The following NMBR variants were observed in gnomAD, a reference collection of about 807,000 sequenced individuals.
NMBR encodes the protein neuromedin B receptor.
Under a neutral mutation model 20.5 loss-of-function variants are expected in NMBR, and 16 were observed. That is an observed-to-expected ratio of 0.78 (90% CI 0.53 to 1.19). NMBR has a LOEUF of 1.19. Among genes scored for constraint, NMBR ranks in the 50% most tolerant of loss-of-function variants. NMBR has a pLI of 0.00. For missense variants in NMBR, 582 were observed against 499.1 expected (o/e 1.17, Z -1.58); for synonymous variants, 212 against 196.6 (o/e 1.08, Z -0.65).
intron 1 of NMBR, among the ~76,000 whole-genome samples, chr6:142,136,991 T>C (rs1247395873): frequency 6.6e-6 from 1 of 152,194 alleles, no homozygotes; most frequent in African/African-American, 2.4e-5. Flanking sequence ...TCTTTTTTGG[T>C]TCCATATGAA....
At chr6:142,113,447 A>T (rs1033683073) in intron 1 of NMBR, among the ~76,000 whole-genome samples, 1 of 152,136 alleles carries the variant, frequency 6.6e-6, no homozygotes, top group East Asian at 1.9e-4. Flanking sequence ...TTGACATTCA[A>T]CTGTTGGTGA....
intron 2 of NMBR, among the ~76,000 whole-genome samples, chr6:142,080,402 C>G (rs1777071397): frequency 6.6e-6 from 1 of 151,020 alleles, no homozygotes; most frequent in Non-Finnish European, 1.5e-5. Context: ...TCTCCACCTC[C>G]CAGGTTCAAG....
chr6:142,095,044 G>A (rs1161533088), intron 1 of NMBR, among the ~76,000 whole-genome samples: 6 of 152,164 alleles, frequency 3.9e-5, no homozygotes, highest in Non-Finnish European at 8.8e-5. Flanking sequence ...CGCTTAAGGA[G>A]ATTTTGGGCT....
At chr6:142,134,902 T>C (rs1209978602) in intron 1 of NMBR, 3 of 579,738 alleles carry the variant, frequency 5.2e-6, no homozygotes, top group Non-Finnish European at 9.1e-6. Context: ...TAGAAGATTA[T>C]ACTTTCCATT....
rs1157035432 is a variant in NMBR, at chr6:142,096,324, A to C, written c.-663-7003T>G. 9.2e-5 allele frequency among the ~76,000 whole-genome samples: 14 copies of C among 152,158 alleles called. 1 individual carries two copies. The East Asian group carries it at 2.7e-3, about 29-fold the overall frequency. ...AATTTCCCTCTACACACTGCTTTAA[A>C]TGTGTCCCAGAGATTCTGGTATGCT... On this transcript the variant is annotated intron_variant, in intron 1 of 3. Coordinates refer to ENST00000258042, the MANE Select transcript of NMBR (RefSeq NM_002511.4).
At chr6:142,129,851 C>T (rs989873232) in intron 1 of NMBR, among the ~76,000 whole-genome samples, 12 of 152,096 alleles carry the variant, frequency 7.9e-5, no homozygotes, top group African/African-American at 1.9e-4. Context: ...GAGGTAAATA[C>T]GATTTTCATT....
chr6:142,120,974 G>A (rs2114597820), intron 1 of NMBR, among the ~76,000 whole-genome samples: 1 of 151,984 alleles, frequency 6.6e-6, no homozygotes, highest in East Asian at 1.9e-4. Flanking sequence ...CCTGCATCCA[G>A]CAAGTCCATC....
intron 1 of NMBR, among the ~76,000 whole-genome samples, chr6:142,126,757 ATTTTTTTTT>A (rs34631481): frequency 9.7e-5 from 5 of 51,362 alleles, no homozygotes; most frequent in Non-Finnish European, 1.7e-4. Flanking sequence ...TATTTGAGGG[ATTTTTTTTT>A]TTTTTTTTTT....
At chr6:142,126,805 C>T (rs2114603007) in intron 1 of NMBR, among the ~76,000 whole-genome samples, 1 of 72,526 alleles carries the variant, frequency 1.4e-5, no homozygotes, top group South Asian at 4.7e-4. Context: ...ATGAGTTCTT[C>T]ATATATTTTG....
Position 142,074,999 on chromosome 6 carries a change from C to A in NMBR, c.*649G>T, listed in dbSNP as rs1289575412. 1.3e-5 allele frequency among the ~76,000 whole-genome samples: 2 copies of A among 151,842 alleles called. No homozygotes were observed. Among genetic ancestry groups the A allele is most frequent in the African/African-American group, 4.8e-5 (2 of 41,344 alleles). On this transcript the variant is annotated 3_prime_UTR_variant, in exon 4 of 4. Coordinates refer to ENST00000258042, the MANE Select transcript of NMBR (RefSeq NM_002511.4). ...TATTTCTATAAATTATGATTAATCA[C>A]AGAATCACAATAAATACCAATTTGA... is the stretch of plus-strand genomic sequence containing the variant.
Position 142,076,537 on chromosome 6 carries a change from A to G in NMBR, c.772-488T>C, listed in dbSNP as rs538894842. On this transcript the variant is annotated intron_variant, in intron 3 of 3. Coordinates refer to ENST00000258042, the MANE Select transcript of NMBR (RefSeq NM_002511.4). ...AAAACAAAATAGCAACTTGAAATTT[A>G]AACTCCTGACTTACACAAATCAAAA... Among the ~76,000 whole-genome samples the G allele has an allele frequency of 4.6e-5, 7 of 152,320 alleles. No individual in the cohort carries two copies. The East Asian group carries it at 1.3e-3, about 29-fold the overall frequency.
chr6:142,146,659 A>G (rs1397679560), intron 1 of NMBR, among the ~76,000 whole-genome samples: 1 of 152,232 alleles, frequency 6.6e-6, no homozygotes, highest in Non-Finnish European at 1.5e-5. Flanking sequence ...AATACGTACT[A>G]GCCAGCTGAG....
chr6:142,117,887 C>A (rs1298627458), intron 1 of NMBR, among the ~76,000 whole-genome samples: 1 of 151,792 alleles, frequency 6.6e-6, no homozygotes, highest in African/African-American at 2.4e-5. Context: ...TTACATCCAA[C>A]ATTGAAAAAT....
chr6:142,112,155 A>C (rs1271682460), intron 1 of NMBR, among the ~76,000 whole-genome samples: 1 of 152,192 alleles, frequency 6.6e-6, no homozygotes, highest in Non-Finnish European at 1.5e-5. Context: ...GAAAAAGAAA[A>C]TAGTAATTTT....
At chr6:142,133,388 G>T (rs760437283) in intron 1 of NMBR, among the ~76,000 whole-genome samples, 4 of 152,114 alleles carry the variant, frequency 2.6e-5, no homozygotes, top group African/African-American at 7.2e-5. Flanking sequence ...TTAGATGTTG[G>T]TGTTTTAGTG....
chr6:142,127,481 G>C (rs1778060744), intron 1 of NMBR, among the ~76,000 whole-genome samples: 1 of 151,906 alleles, frequency 6.6e-6, no homozygotes, highest in Non-Finnish European at 1.5e-5. Context: ...ATCTTTTGTA[G>C]TTTCATATAA....
intron 1 of NMBR, among the ~76,000 whole-genome samples, chr6:142,111,720 T>C (rs935738744): frequency 9.2e-5 from 14 of 152,194 alleles, no homozygotes; most frequent in Admixed American, 3.3e-4. Context: ...GAAATGTCAA[T>C]GCTGATTTAA....
At chr6:142,098,063 C>T (rs189366708) in intron 1 of NMBR, among the ~76,000 whole-genome samples, 67 of 151,604 alleles carry the variant, frequency 4.4e-4, no homozygotes, top group African/African-American at 1.6e-3. Context: ...TTTAAGTGGC[C>T]CAATGTGACT....
At chr6:142,107,503 A>G (rs1777682665) in intron 1 of NMBR, among the ~76,000 whole-genome samples, 1 of 152,176 alleles carries the variant, frequency 6.6e-6, no homozygotes, top group South Asian at 2.1e-4. Context: ...TGATGCACAT[A>G]CTCAAGGCTT....
Sources: allele counts gnomAD v4.1 joint callset (sites outside exome capture counted in the v4.1 genomes callset), GRCh38; gene constraint gnomAD v4.1.1; transcripts MANE v1.5; gene names NCBI Gene and HGNC (gene_info 2026-07-23, HGNC 2026-07-21).